The following AFF4 variants were observed in gnomAD, a reference collection of about 807,000 sequenced individuals.
AFF4 encodes the protein AF4/FMR2 family member 4.
Under a neutral mutation model 124.8 loss-of-function variants are expected in AFF4, and 13 were observed. That is an observed-to-expected ratio of 0.10 (90% CI 0.07 to 0.17). The LOEUF (loss-of-function observed/expected upper bound fraction) is 0.17. AFF4 is among the 10% of genes least tolerant of loss of function. The probability of loss-of-function intolerance (pLI) is 1.00; values close to 1 mark genes in which losing one functional copy is unlikely to be tolerated. For synonymous variants in AFF4, 477 were observed against 496.1 expected, an observed-to-expected ratio of 0.96 and a Z score of 0.51; for missense variants, 1,092 against 1,403.8, an observed-to-expected ratio of 0.78 and a Z score of 3.55.
Position 132,897,313 on chromosome 5 carries a change from CAAAGA to C in AFF4, c.1390-78_1390-74del, listed in dbSNP as rs1406975724. 94 of 1,499,200 alleles carry C rather than the reference CAAAGA, an allele frequency of 6.3e-5. 1 individual carries two copies. In the East Asian group the frequency reaches 2.1e-3, roughly 34 times the overall value. The allele number at this position is 1,499,200 out of a possible 1,614,324, so 92.9% of individuals were successfully genotyped here. A position where few individuals can be genotyped will look rare whatever the true frequency, so the allele number is the denominator to read the frequency against. ...TTTCGTTCTCCCTCCTTTACAACCT[CAAAGA>C]AGAGGAAAAACCACAATGCCTAATG... On this transcript the variant is annotated intron_variant, in intron 10 of 20. Coordinates refer to ENST00000265343, the MANE Select transcript of AFF4 (RefSeq NM_014423.4).
chr5:132,942,682 T>G (rs1413762779), intron 1 of AFF4, among the ~76,000 whole-genome samples: 1 of 152,184 alleles, frequency 6.6e-6, no homozygotes, highest in Non-Finnish European at 1.5e-5. Flanking sequence ...CAGGCTAGTC[T>G]CAAACTCCCG....
chr5:132,933,184 G>T (rs1289873116), intron 3 of AFF4, among the ~76,000 whole-genome samples: 1 of 152,050 alleles, frequency 6.6e-6, no homozygotes, highest in Non-Finnish European at 1.5e-5. Flanking sequence ...GATCACGTGA[G>T]GTCAGGAGTT....
intron 1 of AFF4, among the ~76,000 whole-genome samples, chr5:132,949,700 A>ACG (rs34997571): frequency 0.1 from 15,289 of 146,512 alleles, 1,053 homozygotes; most frequent in Non-Finnish European, 0.16. Context: ...ACACACACAC[A>ACG]CGCGCGCGCG....
intron 5 of AFF4, among the ~76,000 whole-genome samples, chr5:132,915,396 G>T (rs1581299434): frequency 6.6e-6 from 1 of 151,822 alleles, no homozygotes; most frequent in African/African-American, 2.4e-5. Context: ...CCAGAAAATG[G>T]AAGGGGAAGC....
chr5:132,930,424 A>T (rs1196399037), intron 4 of AFF4, among the ~76,000 whole-genome samples: 2 of 152,220 alleles, frequency 1.3e-5, no homozygotes, highest in African/African-American at 2.4e-5. Flanking sequence ...GAAGGAAAAA[A>T]TACATAGCAG....
intron 5 of AFF4, among the ~76,000 whole-genome samples, chr5:132,910,393 T>C: frequency 6.6e-6 from 1 of 152,206 alleles, no homozygotes. Context: ...TCAACCCACA[T>C]CTTGCTAGCA....
At position 132,878,873 on chromosome 5, in the gene AFF4, G is replaced by C. The variant is rs1301913781; in HGVS notation, c.*2186C>G. On this transcript the variant is annotated 3_prime_UTR_variant, in exon 21 of 21. Coordinates refer to ENST00000265343, the MANE Select transcript of AFF4 (RefSeq NM_014423.4). Reference sequence around the variant, plus strand: ...AGGTATCCCACTGGCTGTTGTTGCTGAAAGTCTGAAAGCCCAGAGGATACT... The same window carrying C: ...AGGTATCCCACTGGCTGTTGTTGCTCAAAGTCTGAAAGCCCAGAGGATACT... The C allele has an allele frequency of 1.3e-5, 3 of 223,070 alleles. No individual in the cohort carries two copies. The highest frequency in any genetic ancestry group is 1.8e-5 in the Non-Finnish European group (2 of 111,840). 13.8% of individuals were successfully genotyped at this position (223,070 alleles called of 1,614,324 possible). A position where few individuals can be genotyped will look rare whatever the true frequency, so the allele number is the denominator to read the frequency against.
At chr5:132,953,385 T>A (rs1229722912) in intron 1 of AFF4, among the ~76,000 whole-genome samples, 1 of 152,026 alleles carries the variant, frequency 6.6e-6, no homozygotes, top group Non-Finnish European at 1.5e-5. Context: ...GACTAAAGGA[T>A]GCATGACACC....
intron 6 of AFF4, chr5:132,904,099 T>C (rs1760614594): frequency 2.9e-6 from 1 of 348,542 alleles, no homozygotes; most frequent in Non-Finnish European, 5.5e-6. Context: ...CTACTAAAAA[T>C]TTAAAAAATC....
intron 7 of AFF4, chr5:132,900,796 G>C: frequency 2.2e-6 from 2 of 891,178 alleles, no homozygotes; most frequent in Non-Finnish European, 2.7e-6. Context: ...TACATGGGAG[G>C]AAAAATTAAT....
intron 5 of AFF4, among the ~76,000 whole-genome samples, chr5:132,916,036 C>T (rs1031420005): frequency 3.3e-5 from 5 of 151,622 alleles, no homozygotes; most frequent in Admixed American, 6.6e-5. Flanking sequence ...AGGTGGATCA[C>T]GAGTTCAGGA....
At chr5:132,936,196 G>A (rs1420602365) in intron 2 of AFF4, among the ~76,000 whole-genome samples, 1 of 149,824 alleles carries the variant, frequency 6.7e-6, no homozygotes, top group Admixed American at 6.7e-5. Context: ...GAACCCGGGA[G>A]GCGGAGCTTG....
chr5:132,923,905 T>G (rs1012858705), intron 5 of AFF4, among the ~76,000 whole-genome samples: 8 of 152,142 alleles, frequency 5.3e-5, no homozygotes, highest in African/African-American at 1.9e-4. Context: ...CAAATGCTCA[T>G]CAACAGGAAG....
chr5:132,939,518 TCTGCCAA>T (rs1365686953), intron 1 of AFF4, among the ~76,000 whole-genome samples: 1 of 152,252 alleles, frequency 6.6e-6, no homozygotes, highest in Non-Finnish European at 1.5e-5. Context: ...GGGCTATGGT[TCTGCCAA>T]CATACAAAGT....
Position 132,885,102 on chromosome 5 carries a change from A to T in AFF4, c.3117T>A (p.Ser1039=), listed in dbSNP as rs1157369247. ...TTCCCAAGCCAGGCGATGGTGCTTG[A>T]GAATTATTATAAGAATTCTGTGGAA... The part of the protein sequence containing the change: ...TEHLKNSYNN[S]QAPSPGLGSK... The change falls in exon 19 of 21, where the codon TCT becomes TCA. Residue 1039 remains serine (S), a synonymous_variant. Transcript: ENST00000265343. The T allele has an allele frequency of 6.3e-7, 1 of 1,596,552 alleles. No homozygotes were observed. Among genetic ancestry groups the T allele is most frequent in the Non-Finnish European group, 8.5e-7 (1 of 1,172,616 alleles).
At chr5:132,953,188 C>CT (rs1191721948) in intron 1 of AFF4, among the ~76,000 whole-genome samples, 1 of 151,506 alleles carries the variant, frequency 6.6e-6, no homozygotes, top group Non-Finnish European at 1.5e-5. Flanking sequence ...ATTGTATTAT[C>CT]TTTTTTTAAT....
At chr5:132,934,108 C>A (rs373843339) in intron 3 of AFF4, 39 bp downstream of exon 3, 2 of 1,567,122 alleles carry the variant, frequency 1.3e-6, no homozygotes, top group South Asian at 2.4e-5. Flanking sequence ...AATTGCTTCA[C>A]GTAGTCACAA....
chr5:132,926,984 A>C, intron 5 of AFF4, 137 bp downstream of exon 5: 1 of 657,034 alleles, frequency 1.5e-6, no homozygotes, highest in Admixed American at 3.1e-5. Context: ...CACTATCTGA[A>C]TTTATCTATT....
chr5:132,953,049 G>A (rs1210274728), intron 1 of AFF4, among the ~76,000 whole-genome samples: 1 of 151,892 alleles, frequency 6.6e-6, no homozygotes, highest in Admixed American at 6.6e-5. Flanking sequence ...CTAAATCAGG[G>A]CTAGGCACTA....
Sources: gnomAD v4.1 joint callset for allele counts (sites outside exome capture counted in the v4.1 genomes callset) on GRCh38, gnomAD v4.1.1 for gene constraint, MANE v1.5 for transcripts, NCBI Gene and HGNC (gene_info 2026-07-23, HGNC 2026-07-21) for gene names.